RERE: variants seen among roughly 807,000 people sequenced by gnomAD.
RERE encodes the protein arginine-glutamic acid dipeptide repeats, also known as arginine-glutamic acid dipeptide repeats protein.
Under a neutral mutation model 146.1 loss-of-function variants are expected in RERE, and 40 were observed. The ratio of observed to expected loss-of-function variants is 0.27; its 90% CI spans 0.21 to 0.36. The LOEUF (loss-of-function observed/expected upper bound fraction) is 0.36. Among genes scored for constraint, RERE ranks in the 10% least tolerant of loss-of-function variants. The pLI is 1.00. For missense variants in RERE, 1,933 were observed against 2,138.7 expected, an observed-to-expected ratio of 0.90 and a Z score of 1.90; for synonymous variants, 1,003 against 866.0, an observed-to-expected ratio of 1.16 and a Z score of -2.78.
intron 1 of RERE, among the ~76,000 whole-genome samples, chr1:8,816,310 C>T (rs1641910288): frequency 6.6e-6 from 1 of 152,078 alleles, no homozygotes; most frequent in Non-Finnish European, 1.5e-5. Context: ...TCTAAATGTA[C>T]CTTAAAAAAG....
In RERE at chr1:8,359,874, C is replaced by T; in HGVS notation, c.3508G>A (p.Ala1170Thr). 1.2e-6 allele frequency: 2 copies of T among 1,612,870 alleles called. No individual in the cohort carries two copies. Among genetic ancestry groups the T allele is most frequent in the South Asian group, 1.1e-5 (1 of 91,086 alleles). The change falls in exon 19 of 23, where the codon GCC becomes ACC. Residue 1170 changes from alanine to threonine, a missense_variant. Physicochemically the swap from Ala to Thr is moderately conservative, Grantham distance 58. Coordinates refer to ENST00000400908, the MANE Select transcript of RERE (RefSeq NM_001042681.2). ...GCTTTCTGCTCAGCCTCGCGCTTGG[C>T]CTTCTCAATGGCCTCCTCCCTCTTC... is the stretch of plus-strand genomic sequence containing the variant. ...AKKREEAIEK[A>T]KREAEQKARE...
intron 1 of RERE, among the ~76,000 whole-genome samples, chr1:8,728,337 A>G (rs1640012554): frequency 6.6e-6 from 1 of 152,186 alleles, no homozygotes; most frequent in South Asian, 2.1e-4. Context: ...CTTTATATTT[A>G]AGAACTTATT....
chr1:8,621,033 G>T (rs1234646650), intron 3 of RERE, among the ~76,000 whole-genome samples: 1 of 151,994 alleles, frequency 6.6e-6, no homozygotes, highest in African/African-American at 2.4e-5. Context: ...ACACCTACCA[G>T]TGTAGGACGG....
chr1:8,730,428 C>T (rs920280323), intron 1 of RERE, among the ~76,000 whole-genome samples: 8 of 152,010 alleles, frequency 5.3e-5, no homozygotes, highest in African/African-American at 1.7e-4. Flanking sequence ...CCGCGAGCTC[C>T]GCCTCCCGGG....
At chr1:8,454,281 GCA>G (rs1187999657) in intron 11 of RERE, among the ~76,000 whole-genome samples, 1 of 152,206 alleles carries the variant, frequency 6.6e-6, no homozygotes, top group Non-Finnish European at 1.5e-5. Context: ...GTGTGTGTAC[GCA>G]CACATGCATG....
chr1:8,388,282 G>A (rs923956561), intron 12 of RERE, among the ~76,000 whole-genome samples: 57 of 152,094 alleles, frequency 3.7e-4, no homozygotes, highest in African/African-American at 1.3e-3. Context: ...GGAAAGGACA[G>A]GGGATTGCAC....
At chr1:8,683,324 T>C (rs1324705911) in intron 1 of RERE, among the ~76,000 whole-genome samples, 1 of 152,156 alleles carries the variant, frequency 6.6e-6, no homozygotes, top group Non-Finnish European at 1.5e-5. Flanking sequence ...CCTTCATCTT[T>C]TCCCCAATTC....
chr1:8,662,094 G>T (rs1361121315), intron 1 of RERE, among the ~76,000 whole-genome samples: 1 of 152,132 alleles, frequency 6.6e-6, no homozygotes, highest in African/African-American at 2.4e-5. Context: ...AGTTGCCAAA[G>T]CTCAAAAAAT....
intron 12 of RERE, among the ~76,000 whole-genome samples, chr1:8,412,915 C>T (rs1190598935): frequency 2.0e-5 from 3 of 152,046 alleles, no homozygotes; most frequent in Non-Finnish European, 4.4e-5. Flanking sequence ...TTTGGTGGTG[C>T]CAGATCTCCG....
intron 1 of RERE, among the ~76,000 whole-genome samples, chr1:8,800,094 G>A (rs1348216773): frequency 4.6e-5 from 7 of 152,026 alleles, no homozygotes; most frequent in South Asian, 2.1e-4. Flanking sequence ...GATTACAGGC[G>A]TGAGCCACCG....
chr1:8,791,352 GGTT>G (rs1368240944), intron 1 of RERE, among the ~76,000 whole-genome samples: 7 of 152,100 alleles, frequency 4.6e-5, no homozygotes. Flanking sequence ...ATTTTAGTGG[GGTT>G]TTTTTCATAT....
chr1:8,567,083 C>T (rs537327035), intron 4 of RERE, among the ~76,000 whole-genome samples: 1 of 152,208 alleles, frequency 6.6e-6, no homozygotes, highest in South Asian at 2.1e-4. Flanking sequence ...GGCACCGCAC[C>T]CGGCCAGAAC....
At position 8,556,256 on chromosome 1, in the gene RERE, C is replaced by CA. The variant is rs111743369; in HGVS notation, c.725+218dup. On this transcript the variant is annotated intron_variant, in intron 6 of 22. Transcript: ENST00000400908. ...GAAACAGCATTAAAAAGTAAATTAT[C>CA]AAAAAAAAAAAAGAGAGAGAGAAGT... 8.9e-3 allele frequency among the ~76,000 whole-genome samples: 1,204 copies of CA among 135,712 alleles called. 7 individuals carry two copies. Among genetic ancestry groups the CA allele is most frequent in the Non-Finnish European group, 9.3e-3 (579 of 62,030 alleles). The allele number at this position is 135,712 out of a possible 152,430, so 89.0% of individuals were successfully genotyped here.
Position 8,364,564 on chromosome 1 carries a change from G to A in RERE, c.1540+182C>T, listed in dbSNP as rs1641724596. ...TGCCTACCAGTCAGTATTCCATACC[G>A]ACTGCCAAGCAGAGGAGTAAAGTAA... On this transcript the variant is annotated intron_variant, in intron 14 of 22. Coordinates refer to ENST00000400908, the MANE Select transcript of RERE (RefSeq NM_001042681.2). This position sits in a 1 kb window ranked among gnomAD's most constrained non-coding sequence, Gnocchi z 5.1. Among the ~76,000 whole-genome samples the A allele has an allele frequency of 6.6e-6, 1 of 152,106 alleles. No homozygotes were observed.
intron 12 of RERE, among the ~76,000 whole-genome samples, chr1:8,403,568 G>C (rs1643338263): frequency 1.3e-5 from 2 of 151,254 alleles, no homozygotes; most frequent in South Asian, 4.2e-4. Context: ...GTTTCACCAT[G>C]CTGGCCAGGC....
intron 2 of RERE, among the ~76,000 whole-genome samples, chr1:8,643,495 G>GT (rs1345730357): frequency 6.6e-6 from 1 of 152,126 alleles, no homozygotes; most frequent in Non-Finnish European, 1.5e-5. Context: ...AAGGACTTAC[G>GT]TAAAATACAG....
intron 1 of RERE, among the ~76,000 whole-genome samples, chr1:8,688,974 G>A (rs796202451): frequency 2.0e-5 from 3 of 151,814 alleles, no homozygotes; most frequent in African/African-American, 7.2e-5. Context: ...GCTATATACT[G>A]GAAACCATTG....
chr1:8,458,571 A>G (rs72866081), intron 11 of RERE, among the ~76,000 whole-genome samples: 2,806 of 150,504 alleles, frequency 0.019, 105 homozygotes, highest in African/African-American at 0.066. Flanking sequence ...ACGTGTGCGC[A>G]TGCGCGCACA....
At chr1:8,366,940 A>C (rs1430877578) in intron 12 of RERE, among the ~76,000 whole-genome samples, 1 of 149,736 alleles carries the variant, frequency 6.7e-6, no homozygotes, top group African/African-American at 2.5e-5. Context: ...AAAAAAAAAA[A>C]ACCCAAAAAA....
Sources: gnomAD v4.1 joint callset for allele counts (sites outside exome capture counted in the v4.1 genomes callset) on GRCh38, gnomAD v4.1.1 for gene constraint, Gnocchi (gnomAD v3.1) non-coding constraint, MANE v1.5 for transcripts, NCBI Gene and HGNC (gene_info 2026-07-23, HGNC 2026-07-21) for gene names.